COG7: variants seen among roughly 807,000 people sequenced by gnomAD.
COG7 encodes component of oligomeric golgi complex 7.
In COG7, 49 loss-of-function variants were observed where a neutral mutation model predicts 91.5. The ratio of observed to expected loss-of-function variants is 0.54; its 90% confidence interval spans 0.43 to 0.68. COG7 has a LOEUF of 0.68. Ranked by LOEUF, COG7 falls within the 30% of genes least tolerant of loss-of-function variation. The probability of loss-of-function intolerance (pLI) is 0.00; values close to 1 mark genes in which losing one functional copy is unlikely to be tolerated. For missense variants in COG7, 895 were observed against 961.3 expected (o/e 0.93, Z 0.91); for synonymous variants, 365 against 388.7 (o/e 0.94, Z 0.72).
chr16:23,434,016 C>T (rs942236653), intron 5 of COG7, among the ~76,000 whole-genome samples: 1 of 152,182 alleles, frequency 6.6e-6, no homozygotes, highest in Non-Finnish European at 1.5e-5. Context: ...GTCCTAACAT[C>T]ACTGCTTAAA....
At chr16:23,444,467 T>C (rs952820566) in intron 3 of COG7, among the ~76,000 whole-genome samples, 4 of 151,538 alleles carry the variant, frequency 2.6e-5, no homozygotes, top group Non-Finnish European at 5.9e-5. Flanking sequence ...CTCGTCCATT[T>C]ACCCCCAACC....
chr16:23,418,215 A>G lies in COG7; in HGVS notation c.1137+485T>C, dbSNP rs866941015. On this transcript the variant is annotated intron_variant, in intron 8 of 16. Coordinates refer to ENST00000307149, the MANE Select transcript of COG7 (RefSeq NM_153603.4). ...AACCTTCATTGGGGATTTTAAATAG[A>G]AAACTAGGGCCCGGCAGGGTGGCAC... Among the ~76,000 whole-genome samples, 8 of 152,372 alleles carry G rather than the reference A, an allele frequency of 5.3e-5. No individual in the cohort carries two copies. The South Asian group carries it at 6.2e-4, about 12-fold the overall frequency.
intron 10 of COG7, among the ~76,000 whole-genome samples, chr16:23,411,025 CAA>C (rs895059674): frequency 4.0e-5 from 6 of 151,556 alleles, no homozygotes; most frequent in African/African-American, 1.5e-4. Flanking sequence ...AAATTAAAAA[CAA>C]AAAAAATGTA....
rs757722545 is a variant in COG7, at chr16:23,445,902, T to C, written c.229A>G (p.Lys77Glu). 15 of 1,613,700 alleles carry C rather than the reference T, an allele frequency of 9.3e-6. No homozygotes were observed. In the East Asian group the frequency reaches 3.3e-4, roughly 36 times the overall value. Residue 77 changes from lysine (K) to glutamate (E), a missense_variant, in exon 2 of 17, where the codon AAA becomes GAA. Lys to Glu is a moderately conservative substitution (Grantham distance 56). Transcript: ENST00000307149. ...TCTTTCAGGAAAGATGCCTCCTGTT[T>C]TAGGGCTTCAACATCACGGAGCACT... ...PKVLRDVEAL[K>E]QEASFLKEQM...
In COG7 at chr16:23,445,804, C is replaced by A. The variant is rs914059857; in HGVS notation, c.318+9G>T. 3 of 1,613,676 alleles carry A rather than the reference C, an allele frequency of 1.9e-6. No homozygotes were observed. Among genetic ancestry groups the A allele is most frequent in the Non-Finnish European group, 2.5e-6 (3 of 1,179,786 alleles). Reference sequence around the variant, plus strand: ...CATTTACAACAGGAGCCAAAAGGAGCCAAAATACCTGCATGGATTGAGATG... The same window carrying A: ...CATTTACAACAGGAGCCAAAAGGAGACAAAATACCTGCATGGATTGAGATG... On this transcript the variant is annotated intron_variant, in intron 2 of 16. Coordinates refer to ENST00000307149, the MANE Select transcript of COG7 (RefSeq NM_153603.4).
chr16:23,443,220 A>G (rs1231279622), intron 3 of COG7, among the ~76,000 whole-genome samples: 1 of 152,170 alleles, frequency 6.6e-6, no homozygotes, highest in Non-Finnish European at 1.5e-5. Flanking sequence ...CTGGAAGGCA[A>G]TTTAGCAATA....
Position 23,417,071 on chromosome 16 carries a change from G to A in COG7, c.1188C>T (p.Asn396=). ...CTGCAGACGCCAGACCAAACAGCTT[G>A]TTCACGGAGTGGCTCAGCTCCTGCA... is the stretch of plus-strand genomic sequence containing the variant. The part of the protein sequence containing the change: ...DCVQELSHSV[N]KLFGLASAAV... Residue 396 remains asparagine (N), a synonymous_variant, in exon 9 of 17, where the codon AAC becomes AAT. Coordinates refer to ENST00000307149, the MANE Select transcript of COG7 (RefSeq NM_153603.4). 6 of 1,614,216 alleles carry A rather than the reference G, an allele frequency of 3.7e-6. No individual in the cohort carries two copies. The East Asian group carries it at 1.1e-4, about 30-fold the overall frequency.
intron 11 of COG7, 97 bp from the exon 12 acceptor site, chr16:23,406,359 C>A: frequency 9.6e-7 from 1 of 1,044,188 alleles, no homozygotes; most frequent in Non-Finnish European, 1.5e-6. Context: ...CAAAGATAAT[C>A]CTCATGAGAC....
intron 6 of COG7, 133 bp from the exon 7 acceptor site, chr16:23,425,080 A>T: frequency 1.3e-6 from 1 of 743,660 alleles, no homozygotes; most frequent in Admixed American, 2.3e-5. Context: ...GAGGCCAAGG[A>T]AGGTGGATCA....
chr16:23,446,239 C>A (rs1964180452), intron 1 of COG7, among the ~76,000 whole-genome samples: 1 of 152,112 alleles, frequency 6.6e-6, no homozygotes, highest in Non-Finnish European at 1.5e-5. Context: ...CAACTTGCCA[C>A]CACCAGTGAA....
chr16:23,433,636 C>G lies in COG7; in HGVS notation c.719G>C (p.Cys240Ser). 4 of 1,614,058 alleles carry G rather than the reference C, an allele frequency of 2.5e-6. No individual in the cohort carries two copies. Among genetic ancestry groups the G allele is most frequent in the Non-Finnish European group, 3.4e-6 (4 of 1,180,006 alleles). Reference sequence around the variant, plus strand: ...CCGGTCCAGGGATAGGTCACTTTGACACAGCTCTTGCCAGGCTGCTAAAAG... The same window carrying G: ...CCGGTCCAGGGATAGGTCACTTTGAGACAGCTCTTGCCAGGCTGCTAAAAG... ...VQLLAAWQEL[C>S]QSDLSLDRQL... The change falls in exon 6 of 17, where the codon TGT becomes TCT. Residue 240 changes from cysteine to serine, a missense_variant. Transcript: ENST00000307149.
intron 5 of COG7, 101 bp downstream of exon 5, chr16:23,434,535 G>C (rs1243595070): frequency 2.2e-6 from 2 of 903,246 alleles, no homozygotes; most frequent in East Asian, 2.5e-5. Flanking sequence ...AGGGCAAGGA[G>C]ACAAATGTTC....
rs781192792 is a variant in COG7 at position 23,433,528 on chromosome 16, CA to C, written c.810+16del. 76 of 1,613,806 alleles carry C rather than the reference CA, an allele frequency of 4.7e-5. No homozygotes were observed. Among genetic ancestry groups the C allele is most frequent in the Non-Finnish European group, 6.3e-5 (74 of 1,179,936 alleles). ...ACCACAGACTCTGTTCTCCCTAGAA[CA>C]AAAATGAGCTGTTACCTGTGTAGCC... is the stretch of plus-strand genomic sequence containing the variant. On this transcript the variant is annotated intron_variant, in intron 6 of 16. Coordinates refer to ENST00000307149, the MANE Select transcript of COG7 (RefSeq NM_153603.4).
chr16:23,440,118 G>T (rs1278353138), intron 4 of COG7, among the ~76,000 whole-genome samples: 1 of 151,590 alleles, frequency 6.6e-6, no homozygotes, highest in East Asian at 1.9e-4. Context: ...GCTGGGCACG[G>T]TGGCTCACGC....
chr16:23,407,971 C>G (rs1436283370), intron 11 of COG7, among the ~76,000 whole-genome samples: 3 of 149,926 alleles, frequency 2.0e-5, no homozygotes, highest in Admixed American at 6.7e-5. Flanking sequence ...TGGATGCTCC[C>G]ATTAATTTCT....
intron 2 of COG7, among the ~76,000 whole-genome samples, chr16:23,445,525 C>A (rs1045632173): frequency 6.6e-6 from 1 of 152,086 alleles, no homozygotes; most frequent in Non-Finnish European, 1.5e-5. Context: ...TGGTGTTGCA[C>A]GTCTGTGATC....
intron 12 of COG7, 111 bp from the exon 13 acceptor site, chr16:23,403,945 T>C: frequency 1.5e-6 from 2 of 1,332,446 alleles, no homozygotes; most frequent in South Asian, 1.2e-5. Context: ...TATGCAATAG[T>C]GGTTCCCAAA....
chr16:23,428,049 C>G (rs1426025604), intron 6 of COG7, among the ~76,000 whole-genome samples: 1 of 152,072 alleles, frequency 6.6e-6, no homozygotes, highest in Non-Finnish European at 1.5e-5. Context: ...TGGCAGCATG[C>G]ACCTGCAGTC....
Position 23,392,399 on chromosome 16 carries a change from C to A in COG7, c.2127G>T (p.Lys709Asn), listed in dbSNP as rs1252254417. 1 of 1,614,090 alleles carries A rather than the reference C, an allele frequency of 6.2e-7. No homozygotes were observed. Among genetic ancestry groups the A allele is most frequent in the African/African-American group, 1.3e-5 (1 of 74,938 alleles). The stretch of plus-strand genomic sequence containing the variant: ...ACCCACCGATGTCAGTGGCCAGCTG[C>A]TTGGCAGAGTGTGGGCTCAGCTCAG... The part of the protein sequence containing the change: ...QIPELSPHSA[K>N]QLATDIDYLI... Residue 709 changes from lysine (K) to asparagine (N), a missense_variant, in exon 16 of 17, where the codon AAG (lysine) becomes AAT (asparagine). Coordinates refer to ENST00000307149, the MANE Select transcript of COG7 (RefSeq NM_153603.4).
Sources: allele counts gnomAD v4.1 joint callset (sites outside exome capture counted in the v4.1 genomes callset), GRCh38; gene constraint gnomAD v4.1.1; transcripts MANE v1.5; gene names NCBI Gene and HGNC (gene_info 2026-07-23, HGNC 2026-07-21).